PTPN14: variants seen among roughly 807,000 people sequenced by gnomAD.
The protein encoded by PTPN14 is tyrosine-protein phosphatase non-receptor type 14.
In PTPN14, 53 loss-of-function variants were observed where a neutral mutation model predicts 126.8. The observed-to-expected ratio is 0.42, with a 90% CI of 0.34 to 0.53. PTPN14 has a LOEUF of 0.53. Ranked by LOEUF, PTPN14 falls within the 20% of genes least tolerant of loss-of-function variation. The pLI is 0.08. For synonymous variants in PTPN14, 630 were observed against 599.3 expected (o/e 1.05, Z -0.75); for missense variants, 1,257 against 1,552.9 (o/e 0.81, Z 3.20).
In PTPN14 at chr1:214,352,189, CAAT is replaced by C. The variant is rs1657720495; in HGVS notation, c.*5730_*5732del. The C allele has an allele frequency of 6.6e-6, 1 of 152,176 alleles. No individual in the cohort carries two copies. Among genetic ancestry groups the C allele is most frequent in the Non-Finnish European group, 1.5e-5 (1 of 68,038 alleles). The allele number at this position is 152,176 out of a possible 1,614,324, so 9.4% of individuals were successfully genotyped here. On this transcript the variant is annotated 3_prime_UTR_variant, in exon 19 of 19. Transcript: ENST00000366956. ...TCCTCTTCTTTACTGTACCAAACAA[CAAT>C]CATTTTCCAGTCTATGAAATTGATG... is the stretch of plus-strand genomic sequence containing the variant.
At chr1:214,393,594 G>A (rs890850406) in intron 10 of PTPN14, 101 bp downstream of exon 10, 6 of 974,416 alleles carry the variant, frequency 6.2e-6, no homozygotes, top group Middle Eastern at 2.1e-4. Flanking sequence ...CAAGGAACAA[G>A]GAAAAAGAGT....
intron 4 of PTPN14, 51 bp downstream of exon 4, chr1:214,414,578 A>C: frequency 2.0e-6 from 3 of 1,514,224 alleles, no homozygotes; most frequent in Non-Finnish European, 2.8e-6. Context: ...CAGCAACACC[A>C]TGATCAAACA....
Position 214,357,871 on chromosome 1 carries a change from C to T in PTPN14, c.*51G>A. ...GCAGATGTTGTCTGGAGGTGACTCT[C>T]CTCCAGCGCGATGGAGCTGGGTCCC... On this transcript the variant is annotated 3_prime_UTR_variant, in exon 19 of 19. Coordinates refer to ENST00000366956, the MANE Select transcript of PTPN14 (RefSeq NM_005401.5). 6.4e-7 allele frequency: 1 copy of T among 1,571,546 alleles called. No individual in the cohort carries two copies. The highest frequency in any genetic ancestry group is 8.7e-7 in the Non-Finnish European group (1 of 1,145,692).
At chr1:214,465,067 C>A in intron 1 of PTPN14, 110 bp from the exon 2 acceptor site, 1 of 396,348 alleles carries the variant, frequency 2.5e-6, no homozygotes, top group South Asian at 3.6e-5. Flanking sequence ...CCAAACAGAT[C>A]AACACTCAGG....
chr1:214,424,141 CA>C (rs1474882250), intron 3 of PTPN14, among the ~76,000 whole-genome samples: 3 of 151,854 alleles, frequency 2.0e-5, no homozygotes, highest in Non-Finnish European at 4.4e-5. Context: ...ATGAAAAATA[CA>C]AAAAGTAGCT....
chr1:214,505,843 T>C (rs142876470), intron 1 of PTPN14, among the ~76,000 whole-genome samples: 2 of 152,270 alleles, frequency 1.3e-5, no homozygotes, highest in African/African-American at 4.8e-5. Context: ...CTGCAGTAAG[T>C]TATGATTGTG....
intron 1 of PTPN14, among the ~76,000 whole-genome samples, chr1:214,493,879 G>A (rs1355447253): frequency 2.0e-5 from 3 of 152,118 alleles, no homozygotes; most frequent in East Asian, 3.9e-4. Flanking sequence ...TTCTGCACCT[G>A]TACCCCAGAA....
Position 214,465,912 on chromosome 1 carries a change from AAGT to A in PTPN14, c.-154-958_-154-956del, listed in dbSNP as rs1362013297. 2.8e-5 allele frequency among the ~76,000 whole-genome samples: 4 copies of A among 142,644 alleles called. No individual in the cohort carries two copies. The Admixed American group carries it at 3.0e-4, about 11-fold the overall frequency. 93.6% of individuals were successfully genotyped at this position (142,644 alleles called of 152,430 possible). ...TATTATTTACTTAGAATGAATGATA[AAGT>A]GGTGGCAATATGCATTTAATATAAT... On this transcript the variant is annotated intron_variant, in intron 1 of 18. Transcript: ENST00000366956.
intron 1 of PTPN14, among the ~76,000 whole-genome samples, chr1:214,511,596 C>T (rs1000498992): frequency 6.6e-6 from 1 of 152,106 alleles, no homozygotes; most frequent in Non-Finnish European, 1.5e-5. Flanking sequence ...GCAGCTGCTA[C>T]AGAAAACAGT....
At chr1:214,398,613 A>AT (rs56339386) in intron 7 of PTPN14, among the ~76,000 whole-genome samples, 10,586 of 108,644 alleles carry the variant, frequency 0.097, 646 homozygotes, top group African/African-American at 0.13. Context: ...TGCCCTGCTA[A>AT]TTTTTTTTTT....
chr1:214,515,393 T>C (rs887939547), intron 1 of PTPN14, among the ~76,000 whole-genome samples: 2 of 152,144 alleles, frequency 1.3e-5, no homozygotes, highest in African/African-American at 2.4e-5. Context: ...GTTTTGAAAT[T>C]AGAAAATGTG....
chr1:214,389,003 G>A (rs1036841322), intron 11 of PTPN14, among the ~76,000 whole-genome samples: 1 of 152,138 alleles, frequency 6.6e-6, no homozygotes, highest in Admixed American at 6.5e-5. Flanking sequence ...AAAGCAGTTC[G>A]GGCCTACCAA....
rs1396822857 is a variant in PTPN14 at position 214,348,761 on chromosome 1, G to T, written c.*9161C>A. ...CAATAGATATCTTTTACAAAAAAAG[G>T]TTAGAATAAAGATCTCACATTTGTA... On this transcript the variant is annotated 3_prime_UTR_variant, in exon 19 of 19. Transcript: ENST00000366956. 1 of 152,082 alleles carries T rather than the reference G, an allele frequency of 6.6e-6. No homozygotes were observed. The highest frequency in any genetic ancestry group is 2.4e-5 in the African/African-American group (1 of 41,406). The allele number at this position is 152,082 out of a possible 1,614,324, so 9.4% of individuals were successfully genotyped here. A position where few individuals can be genotyped will look rare whatever the true frequency, so the allele number is the denominator to read the frequency against.
At chr1:214,510,858 T>C (rs1413620266) in intron 1 of PTPN14, among the ~76,000 whole-genome samples, 1 of 152,110 alleles carries the variant, frequency 6.6e-6, no homozygotes, top group Non-Finnish European at 1.5e-5. Flanking sequence ...TCCCCAGGTA[T>C]AGTTATCAAT....
At chr1:214,509,912 C>T (rs150110711) in intron 1 of PTPN14, among the ~76,000 whole-genome samples, 6,279 of 152,298 alleles carry the variant, frequency 0.041, 202 homozygotes, top group Middle Eastern at 0.078. Context: ...ACCACATGTT[C>T]TCACTCGTAG....
Position 214,426,357 on chromosome 1 carries a change from G to A in PTPN14, c.345-11631C>T, listed in dbSNP as rs575532939. Reference sequence around the variant, plus strand: ...TTCTTCCTTTCAAACCCTTCTTGAGGCTCTAGGATTAAAGGAGGAGATACT... The same window carrying A: ...TTCTTCCTTTCAAACCCTTCTTGAGACTCTAGGATTAAAGGAGGAGATACT... On this transcript the variant is annotated intron_variant, in intron 3 of 18. Coordinates refer to ENST00000366956, the MANE Select transcript of PTPN14 (RefSeq NM_005401.5). 1.6e-4 allele frequency among the ~76,000 whole-genome samples: 25 copies of A among 152,126 alleles called. No individual in the cohort carries two copies. The South Asian group carries it at 5.0e-3, about 30-fold the overall frequency.
chr1:214,544,577 C>A (rs974992107), intron 1 of PTPN14, among the ~76,000 whole-genome samples: 1 of 152,090 alleles, frequency 6.6e-6, no homozygotes, highest in East Asian at 1.9e-4. Flanking sequence ...CAGCAAAACC[C>A]CATCTCTACT....
At chr1:214,465,752 G>C (rs1175397253) in intron 1 of PTPN14, among the ~76,000 whole-genome samples, 1 of 151,892 alleles carries the variant, frequency 6.6e-6, no homozygotes, top group South Asian at 2.1e-4. Context: ...CTATTTTACA[G>C]ATGAAAAAAG....
chr1:214,408,600 A>G (rs1659224229), intron 5 of PTPN14, among the ~76,000 whole-genome samples: 1 of 152,220 alleles, frequency 6.6e-6, no homozygotes, highest in African/African-American at 2.4e-5. Flanking sequence ...AGACCATAGA[A>G]CTGACCATCT....
Sources: gnomAD v4.1 joint callset for allele counts (sites outside exome capture counted in the v4.1 genomes callset) on GRCh38, gnomAD v4.1.1 for gene constraint, MANE v1.5 for transcripts, NCBI Gene and HGNC (gene_info 2026-07-23, HGNC 2026-07-21) for gene names.